Variants in SETBP1 observed in about 807,000 individuals in gnomAD.
SETBP1 encodes the protein SET binding protein 1, also known as SET-binding protein.
In SETBP1, 9 loss-of-function variants were observed where a neutral mutation model predicts 101.0. The ratio of observed to expected loss-of-function variants is 0.09; its 90% CI spans 0.05 to 0.16. The LOEUF is 0.16. SETBP1 is among the 10% of genes least tolerant of loss of function. The probability of loss-of-function intolerance (pLI) is 1.00; values close to 1 mark genes in which losing one functional copy is unlikely to be tolerated. For synonymous variants in SETBP1, 818 were observed against 788.5 expected, an observed-to-expected ratio of 1.04 and a Z score of -0.63; for missense variants, 1,858 against 2,033.8, an observed-to-expected ratio of 0.91 and a Z score of 1.66.
At chr18:44,831,131 G>GT (rs2072355139) in intron 2 of SETBP1, among the ~76,000 whole-genome samples, 1 of 152,208 alleles carries the variant, frequency 6.6e-6, no homozygotes, top group African/African-American at 2.4e-5. Flanking sequence ...TGTAAATCCA[G>GT]TAGAGGCCTG....
At chr18:44,896,329 G>T (rs758045714) in intron 3 of SETBP1, among the ~76,000 whole-genome samples, 1 of 152,056 alleles carries the variant, frequency 6.6e-6, no homozygotes, top group Non-Finnish European at 1.5e-5. Context: ...GAACATTTTT[G>T]ATTTTCAGAA....
chr18:44,886,756 TA>T (rs2144762469), intron 3 of SETBP1, among the ~76,000 whole-genome samples: 1 of 68,244 alleles, frequency 1.5e-5, no homozygotes, highest in Non-Finnish European at 2.9e-5. Flanking sequence ...CTGTACATTT[TA>T]TTATTATTAT....
intron 2 of SETBP1, among the ~76,000 whole-genome samples, chr18:44,800,460 G>T (rs11082410): frequency 0.2 from 30,391 of 152,038 alleles, 3,794 homozygotes; most frequent in East Asian, 0.35. Context: ...TTCCGAGCAC[G>T]GATCCGACAA....
chr18:45,036,742 A>G (rs2073405795), intron 4 of SETBP1, among the ~76,000 whole-genome samples: 1 of 152,198 alleles, frequency 6.6e-6, no homozygotes, highest in Non-Finnish European at 1.5e-5. Flanking sequence ...TGTCAGCATG[A>G]CTGTCTTCCT....
chr18:44,690,096 A>G (rs2144126126), intron 1 of SETBP1, among the ~76,000 whole-genome samples: 1 of 152,348 alleles, frequency 6.6e-6, no homozygotes, highest in South Asian at 2.1e-4. Flanking sequence ...CAAGAAATGA[A>G]ATTGTATATA....
chr18:44,962,240 A>G (rs1198774271), intron 4 of SETBP1, among the ~76,000 whole-genome samples: 3 of 152,230 alleles, frequency 2.0e-5, no homozygotes, highest in African/African-American at 7.2e-5. Flanking sequence ...GTCTTGCGGC[A>G]GAAGCTTGGA....
chr18:45,028,485 C>A (rs980047464), intron 4 of SETBP1, among the ~76,000 whole-genome samples: 9 of 152,044 alleles, frequency 5.9e-5, no homozygotes, highest in Non-Finnish European at 1.2e-4. Flanking sequence ...GTGCATGTGT[C>A]TTTATAGCAG....
intron 2 of SETBP1, among the ~76,000 whole-genome samples, chr18:44,776,072 T>G (rs2070996407): frequency 6.6e-6 from 1 of 152,212 alleles, no homozygotes; most frequent in Admixed American, 6.5e-5. Flanking sequence ...TCCGGAGGTG[T>G]GGCTATCTGT....
chr18:45,018,066 T>TC (rs1429936528), intron 4 of SETBP1, among the ~76,000 whole-genome samples: 1 of 152,180 alleles, frequency 6.6e-6, no homozygotes, highest in African/African-American at 2.4e-5. Context: ...TCCTTCCCAG[T>TC]CCTGATAGTC....
At chr18:44,999,753 G>A (rs1022510992) in intron 4 of SETBP1, among the ~76,000 whole-genome samples, 1 of 152,152 alleles carries the variant, frequency 6.6e-6, no homozygotes, top group African/African-American at 2.4e-5. Context: ...TTCTGTGTAT[G>A]TACAGCCCCC....
At chr18:44,717,401 T>C (rs375504450) in intron 2 of SETBP1, among the ~76,000 whole-genome samples, 77 of 152,364 alleles carry the variant, frequency 5.1e-4, no homozygotes, top group African/African-American at 1.7e-3. Context: ...GTCCTCTTTT[T>C]CTGTCATGTT....
chr18:45,027,085 C>T (rs1375374010), intron 4 of SETBP1, among the ~76,000 whole-genome samples: 1 of 152,160 alleles, frequency 6.6e-6, no homozygotes, highest in African/African-American at 2.4e-5. Flanking sequence ...TTCTAGAGAA[C>T]ACCTTTGAGC....
chr18:44,695,052 G>A (rs1306427001), intron 1 of SETBP1, among the ~76,000 whole-genome samples: 1 of 152,146 alleles, frequency 6.6e-6, no homozygotes, highest in Non-Finnish European at 1.5e-5. Context: ...CCACAGTGAA[G>A]TCAATAAAGG....
chr18:44,704,177 T>G (rs1343921929), intron 2 of SETBP1, among the ~76,000 whole-genome samples: 1 of 152,232 alleles, frequency 6.6e-6, no homozygotes, highest in Non-Finnish European at 1.5e-5. Flanking sequence ...TGTTTTGGAA[T>G]CTGTACCATC....
At chr18:44,778,997 G>C (rs1412225270) in intron 2 of SETBP1, among the ~76,000 whole-genome samples, 1 of 152,256 alleles carries the variant, frequency 6.6e-6, no homozygotes, top group Admixed American at 6.5e-5. Flanking sequence ...GAGGTGTTGG[G>C]TGGTCACTGA....
At chr18:44,791,331 C>G (rs1054970310) in intron 2 of SETBP1, among the ~76,000 whole-genome samples, 2 of 152,164 alleles carry the variant, frequency 1.3e-5, no homozygotes, top group Non-Finnish European at 2.9e-5. Context: ...GAAAACCGTC[C>G]TAGTGGTAGA....
At chr18:45,036,770 C>T (rs1367643884) in intron 4 of SETBP1, among the ~76,000 whole-genome samples, 3 of 152,150 alleles carry the variant, frequency 2.0e-5, no homozygotes, top group African/African-American at 4.8e-5. Context: ...TTACAGATGC[C>T]TTATCCAGGT....
intron 3 of SETBP1, among the ~76,000 whole-genome samples, chr18:44,911,741 C>G (rs1248557421): frequency 6.6e-6 from 1 of 152,170 alleles, no homozygotes; most frequent in Non-Finnish European, 1.5e-5. Flanking sequence ...AGGTCCTGCT[C>G]TATATGCTAT....
intron 5 of SETBP1, among the ~76,000 whole-genome samples, chr18:45,057,704 T>C (rs1375999783): frequency 6.6e-6 from 1 of 152,214 alleles, no homozygotes; most frequent in South Asian, 2.1e-4. Flanking sequence ...CTTAGGAACA[T>C]TCAAACAGCA....
Sources: allele counts gnomAD v4.1 joint callset (sites outside exome capture counted in the v4.1 genomes callset), GRCh38; gene constraint gnomAD v4.1.1; transcripts MANE v1.5; gene names NCBI Gene and HGNC (gene_info 2026-07-23, HGNC 2026-07-21).